CFAP58: variants seen among roughly 807,000 people sequenced by gnomAD.
The protein encoded by CFAP58 is cilia- and flagella-associated protein 58.
CFAP58 carries 88 observed loss-of-function variants against 119.5 expected under a neutral mutation model. That is an observed-to-expected ratio of 0.74 (90% CI 0.62 to 0.88). The LOEUF is 0.88. Ranked by LOEUF, CFAP58 falls within the 40% of genes least tolerant of loss-of-function variation. The pLI is 0.00. For synonymous variants in CFAP58, 365 were observed against 366.3 expected (o/e 1.00, Z 0.04); for missense variants, 990 against 1,021.2 (o/e 0.97, Z 0.42).
chr10:104,351,692 A>G (rs143199321), upstream of CFAP58: 1 of 152,228 alleles, frequency 6.6e-6, no homozygotes, highest in African/African-American at 2.4e-5. Context: ...AGATAACTGA[A>G]TGTAAAAAAG....
chr10:104,372,899 C>T (rs2014843105), intron 7 of CFAP58, among the ~76,000 whole-genome samples: 1 of 152,062 alleles, frequency 6.6e-6, no homozygotes, highest in African/African-American at 2.4e-5. Context: ...ATGTGTTCAA[C>T]CAAAAAGTGG....
Position 104,454,550 on chromosome 10 carries a change from T to C in CFAP58, c.*20T>C, listed in dbSNP as rs757742267. 1.9e-6 allele frequency: 3 copies of C among 1,573,624 alleles called. No homozygotes were observed. In the East Asian group the frequency reaches 6.7e-5, roughly 35 times the overall value. ...TTCTAACCTGAAGCTGCTGGCTGTT[T>C]CCAGTTGAACAACTCATGAAATCTG... On this transcript the variant is annotated 3_prime_UTR_variant, in exon 18 of 18. Coordinates refer to ENST00000369704, the MANE Select transcript of CFAP58 (RefSeq NM_001008723.2).
intron 9 of CFAP58, among the ~76,000 whole-genome samples, chr10:104,381,938 T>G (rs58606181): frequency 5.9e-5 from 9 of 152,356 alleles, no homozygotes; most frequent in African/African-American, 2.2e-4. Context: ...CTCTGAGGAC[T>G]CGTTGTCAAT....
intron 1 of CFAP58, among the ~76,000 whole-genome samples, chr10:104,357,841 ATATG>A (rs2014572633): frequency 5.4e-5 from 4 of 74,002 alleles, no homozygotes; most frequent in African/African-American, 2.2e-4. Context: ...ATATGTACAC[ATATG>A]TACACATATA....
At chr10:104,400,570 C>A in intron 12 of CFAP58, 110 bp from the exon 13 acceptor site, 1 of 860,854 alleles carries the variant, frequency 1.2e-6, no homozygotes, top group Non-Finnish European at 1.9e-6. Flanking sequence ...CCATGTGGTG[C>A]CCAGTACATG....
intron 9 of CFAP58, among the ~76,000 whole-genome samples, chr10:104,385,193 A>C (rs1037918632): frequency 6.6e-6 from 1 of 152,146 alleles, no homozygotes; most frequent in African/African-American, 2.4e-5. Context: ...TGGCAACAGC[A>C]AACCAGAGCC....
At chr10:104,414,794 C>G (rs1030674025) in intron 15 of CFAP58, among the ~76,000 whole-genome samples, 3 of 152,152 alleles carry the variant, frequency 2.0e-5, no homozygotes, top group African/African-American at 2.4e-5. Flanking sequence ...CTCAGCCTCC[C>G]GAGTAGCTGG....
At chr10:104,366,114 T>A in intron 5 of CFAP58, 106 bp downstream of exon 5, 1 of 1,010,570 alleles carries the variant, frequency 9.9e-7, no homozygotes, top group Non-Finnish European at 1.4e-6. Context: ...GCAAATTCCC[T>A]TCACTACTCG....
At chr10:104,346,570 T>C in the CFAP58 span, among the ~76,000 whole-genome samples, 1 of 151,538 alleles carries the variant, frequency 6.6e-6, no homozygotes, top group African/African-American at 2.4e-5. Flanking sequence ...TTCAGGCTAC[T>C]TATTTACCCA....
chr10:104,399,070 C>A (rs967309439), intron 11 of CFAP58, among the ~76,000 whole-genome samples: 1 of 152,008 alleles, frequency 6.6e-6, no homozygotes, highest in Non-Finnish European at 1.5e-5. Context: ...TGCTGAATAC[C>A]AATGAAGCCC....
chr10:104,385,807 T>C (rs907988066), intron 9 of CFAP58, among the ~76,000 whole-genome samples: 6 of 152,172 alleles, frequency 3.9e-5, no homozygotes, highest in African/African-American at 1.2e-4. Context: ...AGGCTGACCA[T>C]GTTCCAGGCA....
chr10:104,404,123 G>A (rs192559100), intron 14 of CFAP58, among the ~76,000 whole-genome samples: 27 of 152,328 alleles, frequency 1.8e-4, no homozygotes, highest in African/African-American at 6.5e-4. Context: ...TCTGGCTTGG[G>A]TAGGTTTTGG....
chr10:104,340,676 G>T, the CFAP58 span, among the ~76,000 whole-genome samples: 1 of 152,174 alleles, frequency 6.6e-6, no homozygotes, highest in Non-Finnish European at 1.5e-5. Flanking sequence ...AACAACGGAA[G>T]GGAAGAAAGG....
chr10:104,453,452 C>T (rs2013225920), intron 17 of CFAP58, among the ~76,000 whole-genome samples: 1 of 152,048 alleles, frequency 6.6e-6, no homozygotes, highest in Non-Finnish European at 1.5e-5. Flanking sequence ...TACCTTTTAC[C>T]TTCTTTTGTT....
intron 9 of CFAP58, among the ~76,000 whole-genome samples, chr10:104,380,866 G>A (rs2011776892): frequency 6.6e-6 from 1 of 152,014 alleles, no homozygotes; most frequent in African/African-American, 2.4e-5. Context: ...AAACTATTGT[G>A]AGCTGGGCAC....
intron 5 of CFAP58, among the ~76,000 whole-genome samples, chr10:104,367,696 A>G (rs1335589505): frequency 6.6e-6 from 1 of 152,216 alleles, no homozygotes; most frequent in Non-Finnish European, 1.5e-5. Context: ...CATGGAAGTT[A>G]TATTTTGGAG....
In CFAP58 at chr10:104,380,028, G is replaced by T. The variant is rs777354384; in HGVS notation, c.1174-1G>T. 4 of 1,609,774 alleles carry T rather than the reference G, an allele frequency of 2.5e-6. No homozygotes were observed. The highest frequency in any genetic ancestry group is 3.4e-6 in the Non-Finnish European group (4 of 1,178,396). On this transcript the variant is annotated splice_acceptor_variant, in intron 8 of 17. Coordinates refer to ENST00000369704, the MANE Select transcript of CFAP58 (RefSeq NM_001008723.2). LOFTEE classifies it high-confidence loss of function. ...TGACTGCTTTGTGCCCTTATTTTTA[G>T]AACATGCTTAAGGCGGTCAATGCGA...
chr10:104,448,086 G>A (rs1336837316), intron 16 of CFAP58, among the ~76,000 whole-genome samples: 1 of 152,246 alleles, frequency 6.6e-6, no homozygotes, highest in Non-Finnish European at 1.5e-5. Context: ...GAATGGAGAT[G>A]TGCGGACAGG....
upstream of CFAP58, among the ~76,000 whole-genome samples, chr10:104,350,113 A>C (rs577604714): frequency 6.6e-6 from 1 of 152,262 alleles, no homozygotes; most frequent in African/African-American, 2.4e-5. Flanking sequence ...TGGCGTGCAC[A>C]ATTTGCTTCT....
Sources: allele counts gnomAD v4.1 joint callset (sites outside exome capture counted in the v4.1 genomes callset), GRCh38; gene constraint gnomAD v4.1.1; transcripts MANE v1.5; gene names NCBI Gene and HGNC (gene_info 2026-07-23, HGNC 2026-07-21).